AFAP1L2: variants seen among roughly 807,000 people sequenced by gnomAD.
AFAP1L2 encodes the protein actin filament-associated protein 1-like 2.
A neutral mutation model predicts 99.3 loss-of-function variants in AFAP1L2; 46 were observed. The ratio of observed to expected loss-of-function variants is 0.46; its 90% CI spans 0.37 to 0.59. AFAP1L2 has a LOEUF of 0.59. Among genes scored for constraint, AFAP1L2 ranks in the 20% least tolerant of loss-of-function variants. The pLI is 0.00. For missense variants in AFAP1L2, 959 were observed against 1,034.9 expected, an observed-to-expected ratio of 0.93 and a Z score of 1.01; for synonymous variants, 397 against 419.1, an observed-to-expected ratio of 0.95 and a Z score of 0.64.
intron 10 of AFAP1L2, 69 bp downstream of exon 10, chr10:114,307,736 A>G (rs1590012050): frequency 2.2e-6 from 3 of 1,354,880 alleles, no homozygotes; most frequent in Non-Finnish European, 3.2e-6. Flanking sequence ...TCGCTGTCTG[A>G]GCTCGCCTTC....
chr10:114,318,880 A>G (rs922751045), intron 5 of AFAP1L2, among the ~76,000 whole-genome samples: 1 of 152,166 alleles, frequency 6.6e-6, no homozygotes, highest in African/African-American at 2.4e-5. Context: ...TTGGCCAGGC[A>G]TGGTGGCTCA....
chr10:114,376,869 T>A (rs1320519568), intron 1 of AFAP1L2, among the ~76,000 whole-genome samples: 1 of 152,108 alleles, frequency 6.6e-6, no homozygotes, highest in Non-Finnish European at 1.5e-5. Flanking sequence ...AGCTAGAGAC[T>A]GAGAAACCAC....
At chr10:114,283,886 T>C in the AFAP1L2 span, among the ~76,000 whole-genome samples, 1 of 152,256 alleles carries the variant, frequency 6.6e-6, no homozygotes, top group Non-Finnish European at 1.5e-5. Flanking sequence ...AAAGTCTATA[T>C]TTTAATTACA....
intron 1 of AFAP1L2, among the ~76,000 whole-genome samples, chr10:114,378,317 T>C (rs1425959379): frequency 6.6e-6 from 1 of 152,190 alleles, no homozygotes; most frequent in South Asian, 2.1e-4. Flanking sequence ...CTTATACCCA[T>C]ACCTTATTAT....
At chr10:114,286,501 G>T in the AFAP1L2 span, 1 of 1,568,698 alleles carries the variant, frequency 6.4e-7, no homozygotes, top group Non-Finnish European at 8.7e-7. Flanking sequence ...TGTGCAGCCG[G>T]CAGCGGCCAG....
intron 5 of AFAP1L2, 133 bp downstream of exon 5, chr10:114,323,038 G>T: frequency 2.6e-6 from 2 of 783,180 alleles, no homozygotes; most frequent in Non-Finnish European, 4.1e-6. Context: ...ATGCTTTCCT[G>T]TCACAGCAGC....
At chr10:114,308,386 G>A (rs773229011) in intron 9 of AFAP1L2, 47 bp downstream of exon 9, 3 of 1,557,480 alleles carry the variant, frequency 1.9e-6, no homozygotes, top group Non-Finnish European at 1.8e-6. Flanking sequence ...TGACAGCCCA[G>A]CCTCACAGCC....
At chr10:114,316,284 C>T (rs2044130499) in intron 5 of AFAP1L2, among the ~76,000 whole-genome samples, 1 of 152,226 alleles carries the variant, frequency 6.6e-6, no homozygotes, top group African/African-American at 2.4e-5. Context: ...GGCCGCTGGC[C>T]TGGCTGGGCC....
At chr10:114,345,642 G>A (rs913557758) in intron 1 of AFAP1L2, among the ~76,000 whole-genome samples, 5 of 152,162 alleles carry the variant, frequency 3.3e-5, no homozygotes, top group Admixed American at 6.5e-5. Context: ...GTAGCGGCAC[G>A]GGGGATCAAA....
At chr10:114,299,476 G>T in intron 15 of AFAP1L2, 61 bp from the exon 16 acceptor site, 1 of 1,597,930 alleles carries the variant, frequency 6.3e-7, no homozygotes, top group Non-Finnish European at 8.5e-7. Flanking sequence ...GCTGTCCCCA[G>T]TCTACTCCCC....
Position 114,302,298 on chromosome 10 carries a change from G to A in AFAP1L2, c.1430+41C>T, listed in dbSNP as rs202071310. 2.5e-6 allele frequency: 4 copies of A among 1,613,554 alleles called. No homozygotes were observed. In the South Asian group the frequency reaches 3.3e-5, roughly 13 times the overall value. ...TGACCCAGGGCCTACAGCATGGCCA[G>A]GAATAAGAGAGTGTACGGAGGAAGG... On this transcript the variant is annotated intron_variant, in intron 12 of 18. Transcript: ENST00000304129.
rs144311941 is a variant in AFAP1L2 at position 114,389,085 on chromosome 10, T to G, written c.16+15355A>C. On this transcript the variant is annotated intron_variant, in intron 1 of 18. Coordinates refer to ENST00000304129, the MANE Select transcript of AFAP1L2 (RefSeq NM_001001936.3). Reference sequence around the variant, plus strand: ...TACTGACTTTAAATGCAATTGGAGTTGCTGCCCACACCCTGAGCCCACATC... The same window carrying G: ...TACTGACTTTAAATGCAATTGGAGTGGCTGCCCACACCCTGAGCCCACATC... Among the ~76,000 whole-genome samples, 3 of 152,286 alleles carry G rather than the reference T, an allele frequency of 2.0e-5. No homozygotes were observed. In the East Asian group the frequency reaches 5.8e-4, roughly 29 times the overall value.
intron 5 of AFAP1L2, among the ~76,000 whole-genome samples, chr10:114,321,125 C>A (rs1388893377): frequency 6.6e-6 from 1 of 152,164 alleles, no homozygotes; most frequent in East Asian, 1.9e-4. Context: ...TGGTCCTGTT[C>A]TTTTTATTTT....
intron 1 of AFAP1L2, among the ~76,000 whole-genome samples, chr10:114,389,691 C>T (rs748037037): frequency 1.3e-5 from 2 of 152,236 alleles, no homozygotes; most frequent in Non-Finnish European, 1.5e-5. Flanking sequence ...CTCCCCCGTT[C>T]TGTGACAATG....
At chr10:114,335,319 A>G (rs2047778991) in intron 2 of AFAP1L2, among the ~76,000 whole-genome samples, 2 of 152,104 alleles carry the variant, frequency 1.3e-5, no homozygotes, top group South Asian at 4.1e-4. Flanking sequence ...TTAAAAAAAG[A>G]ATACAACATA....
chr10:114,397,722 T>G (rs2057860048), intron 1 of AFAP1L2, among the ~76,000 whole-genome samples: 1 of 152,196 alleles, frequency 6.6e-6, no homozygotes, highest in Non-Finnish European at 1.5e-5. Context: ...CCAGCTTGGA[T>G]TCTTCCTGGT....
intron 1 of AFAP1L2, among the ~76,000 whole-genome samples, chr10:114,349,948 C>T (rs1053644163): frequency 6.6e-6 from 1 of 152,162 alleles, no homozygotes; most frequent in Non-Finnish European, 1.5e-5. Context: ...TCACTTAAAA[C>T]ACTTTCCCCA....
chr10:114,404,614 C>G (rs2058556655), upstream of AFAP1L2: 1 of 1,093,080 alleles, frequency 9.1e-7, no homozygotes. Flanking sequence ...CGGACCTGGC[C>G]CCCGCCAGGG....
chr10:114,338,035 G>A (rs917658131), intron 2 of AFAP1L2, among the ~76,000 whole-genome samples: 1 of 152,222 alleles, frequency 6.6e-6, no homozygotes, highest in Non-Finnish European at 1.5e-5. Context: ...AAGCTGCAAA[G>A]TCTGAAAGAA....
Sources: gnomAD v4.1 joint callset for allele counts (sites outside exome capture counted in the v4.1 genomes callset) on GRCh38, gnomAD v4.1.1 for gene constraint, MANE v1.5 for transcripts, NCBI Gene and HGNC (gene_info 2026-07-23, HGNC 2026-07-21) for gene names.